The following LEPR variants were observed in gnomAD, a reference collection of about 807,000 sequenced individuals.
LEPR encodes OB receptor.
LEPR carries 56 observed loss-of-function variants against 114.7 expected under a neutral mutation model. The observed-to-expected ratio is 0.49, with a 90% CI of 0.39 to 0.61. LEPR has a LOEUF of 0.61. LEPR is among the 20% of genes least tolerant of loss of function. The probability of loss-of-function intolerance (pLI) is 0.00; values close to 1 mark genes in which losing one functional copy is unlikely to be tolerated. For missense variants in LEPR, 1,202 were observed against 1,352.9 expected, an observed-to-expected ratio of 0.89 and a Z score of 1.75; for synonymous variants, 443 against 461.4, an observed-to-expected ratio of 0.96 and a Z score of 0.51.
At chr1:65,631,814 A>G (rs987546701) in intron 19 of LEPR, among the ~76,000 whole-genome samples, 1 of 152,100 alleles carries the variant, frequency 6.6e-6, no homozygotes, top group Non-Finnish European at 1.5e-5. Flanking sequence ...GCACCTTTTT[A>G]CCTTAGCATT....
rs1315188201 is a variant in LEPR at position 65,601,503 on chromosome 1, G to A, written c.1106G>A (p.Trp369Ter). 4 of 1,613,720 alleles carry A rather than the reference G, an allele frequency of 2.5e-6. No individual in the cohort carries two copies. The highest frequency in any genetic ancestry group is 3.4e-6 in the Non-Finnish European group (4 of 1,179,726). ...KIVPSKEIVW[W>*]MNLAEKIPQS... is the part of the protein sequence containing the mutation. ...GTTCCCTCAAAAGAGATTGTTTGGT[G>A]GATGAATTTAGCTGAGAAAATTCCT... The change falls in exon 9 of 20, where the codon TGG becomes TAG. Residue 369 changes from tryptophan (W) to a stop codon, truncating the protein, a stop_gained. Coordinates refer to ENST00000349533, the MANE Select transcript of LEPR (RefSeq NM_002303.6). LOFTEE classifies it high-confidence loss of function.
At chr1:65,613,926 C>CAA (rs59673658) in intron 14 of LEPR, among the ~76,000 whole-genome samples, 43 of 148,300 alleles carry the variant, frequency 2.9e-4, no homozygotes, top group East Asian at 5.9e-4. Context: ...GGCTAAAATC[C>CAA]AAAAAAAAAA....
intron 2 of LEPR, among the ~76,000 whole-genome samples, chr1:65,533,650 T>A (rs1322733242): frequency 2.0e-5 from 3 of 152,058 alleles, no homozygotes; most frequent in African/African-American, 7.2e-5. Context: ...TTGAGCTGCC[T>A]TCTACATACT....
chr1:65,423,781 A>G (rs1646302027), intron 1 of LEPR, among the ~76,000 whole-genome samples: 1 of 152,200 alleles, frequency 6.6e-6, no homozygotes, highest in African/African-American at 2.4e-5. Flanking sequence ...GGCTTAATTA[A>G]TTAGTTTAAT....
intron 2 of LEPR, among the ~76,000 whole-genome samples, chr1:65,557,419 A>G (rs533933590): frequency 1.2e-4 from 18 of 152,000 alleles, no homozygotes; most frequent in African/African-American, 4.1e-4. Context: ...AATTTCTGTC[A>G]CTTTTTCTGT....
At chr1:65,588,515 A>AAT (rs1655471404) in intron 5 of LEPR, among the ~76,000 whole-genome samples, 2 of 152,024 alleles carry the variant, frequency 1.3e-5, no homozygotes, top group Admixed American at 1.3e-4. Flanking sequence ...AAAGAAAGTG[A>AAT]ATATATCATC....
At chr1:65,435,939 A>G (rs1293797403) in intron 2 of LEPR, 9 of 985,352 alleles carry the variant, frequency 9.1e-6, no homozygotes, top group Non-Finnish European at 1.1e-5. Context: ...CAACAGTGAT[A>G]CATGTAACCC....
chr1:65,598,669 A>G lies in LEPR; in HGVS notation c.859A>G (p.Ile287Val). 2 of 1,613,234 alleles carry G rather than the reference A, an allele frequency of 1.2e-6. No homozygotes were observed. The highest frequency in any genetic ancestry group is 1.7e-6 in the Non-Finnish European group (2 of 1,179,596). ...STTVIREADK[I>V]VSATSLLVDS... ...ATATAATATTTAACAGGCTGACAAG[A>G]TTGTCTCAGCTACATCCCTGCTAGT... Residue 287 changes from isoleucine (I) to valine (V), a missense_variant, in exon 8 of 20, where the codon ATT becomes GTT. Physicochemically the swap from Ile to Val is conservative, Grantham distance 29. Coordinates refer to ENST00000349533, the MANE Select transcript of LEPR (RefSeq NM_002303.6).
At chr1:65,602,116 T>C (rs903783921) in intron 10 of LEPR, among the ~76,000 whole-genome samples, 156 bp downstream of exon 10, 2 of 152,116 alleles carry the variant, frequency 1.3e-5, no homozygotes, top group African/African-American at 4.8e-5. Flanking sequence ...ATTATATAAA[T>C]TGGTGATTCT....
intron 2 of LEPR, among the ~76,000 whole-genome samples, chr1:65,509,137 A>G (rs1371187575): frequency 1.3e-5 from 2 of 152,132 alleles, no homozygotes; most frequent in African/African-American, 4.8e-5. Flanking sequence ...CAGCAAAAAG[A>G]GATAATTTTA....
chr1:65,619,025 C>T (rs1410230419), intron 16 of LEPR, among the ~76,000 whole-genome samples: 2 of 152,002 alleles, frequency 1.3e-5, no homozygotes, highest in Non-Finnish European at 2.9e-5. Context: ...GAGTCAAGCA[C>T]AAAGTATAAG....
Position 65,480,573 on chromosome 1 carries a change from A to G in LEPR, c.-21+55195A>G, listed in dbSNP as rs181781015. 1.1e-3 allele frequency among the ~76,000 whole-genome samples: 163 copies of G among 152,336 alleles called. 1 individual carries two copies. The highest frequency in any genetic ancestry group is 3.8e-3 in the African/African-American group (159 of 41,594). ...AAATACCCACAGGTGAATGATAACG[A>G]AAGTATCTCATATCAAAATTTACTG... On this transcript the variant is annotated intron_variant, in intron 2 of 19. Transcript: ENST00000349533.
intron 2 of LEPR, among the ~76,000 whole-genome samples, chr1:65,426,052 T>C (rs900542820): frequency 7.0e-6 from 1 of 143,796 alleles, no homozygotes; most frequent in Non-Finnish European, 1.5e-5. Context: ...ATGCATACTG[T>C]CAGAGGTAGA....
chr1:65,462,154 C>CGCCAACAGG (rs1646954148), intron 2 of LEPR, among the ~76,000 whole-genome samples: 1 of 152,110 alleles, frequency 6.6e-6, no homozygotes, highest in African/African-American at 2.4e-5. Flanking sequence ...CTCTCCCATC[C>CGCCAACAGG]CCCCACCCGC....
At chr1:65,457,658 C>T (rs943207315) in intron 2 of LEPR, among the ~76,000 whole-genome samples, 2 of 152,180 alleles carry the variant, frequency 1.3e-5, no homozygotes, top group Admixed American at 1.3e-4. Context: ...TCCTCACCTG[C>T]CCTCTCACCT....
intron 11 of LEPR, 35 bp downstream of exon 11, chr1:65,605,272 A>G (rs1317525657): frequency 6.2e-7 from 1 of 1,610,754 alleles, no homozygotes; most frequent in Admixed American, 1.7e-5. Context: ...CATTTGTGTT[A>G]GCAGATTTGT....
At position 65,615,994 on chromosome 1, in the gene LEPR, T is replaced by C. The variant is rs566215593; in HGVS notation, c.1996-14T>C. ...TGCAGCCCTTAAACTAATCAATTTC[T>C]ATATTTACTACAGCCCCTGATGAAA... On this transcript the variant is annotated splice_polypyrimidine_tract_variant and intron_variant, in intron 14 of 19. Transcript: ENST00000349533. 1.2e-6 allele frequency: 2 copies of C among 1,614,042 alleles called. No homozygotes were observed. The highest frequency in any genetic ancestry group is 1.7e-6 in the Non-Finnish European group (2 of 1,179,962).
chr1:65,579,139 A>G (rs575293958), intron 5 of LEPR, among the ~76,000 whole-genome samples: 1 of 152,318 alleles, frequency 6.6e-6, no homozygotes. Context: ...TCAGCCTTGT[A>G]TGATGGTAGA....
chr1:65,598,491 T>C (rs1656230012), intron 7 of LEPR, among the ~76,000 whole-genome samples, 169 bp from the exon 8 acceptor site: 1 of 152,170 alleles, frequency 6.6e-6, no homozygotes, highest in South Asian at 2.1e-4. Flanking sequence ...TTGACTAATG[T>C]GCAAACTTTT....
Sources: allele counts gnomAD v4.1 joint callset (sites outside exome capture counted in the v4.1 genomes callset), GRCh38; gene constraint gnomAD v4.1.1; transcripts MANE v1.5; gene names NCBI Gene and HGNC (gene_info 2026-07-23, HGNC 2026-07-21).